Variants in LRMDA observed in about 807,000 individuals in gnomAD.
LRMDA encodes leucine rich melanocyte differentiation associated, also known as leucine-rich melanocyte differentiation-associated protein.
In LRMDA, 18 loss-of-function variants were observed where a neutral mutation model predicts 29.8. The observed-to-expected ratio is 0.60, with a 90% CI of 0.42 to 0.90. The LOEUF is 0.90. Ranked by LOEUF, LRMDA falls within the 40% of genes least tolerant of loss-of-function variation. The pLI is 0.00. For synonymous variants in LRMDA, 125 were observed against 109.4 expected, an observed-to-expected ratio of 1.14 and a Z score of -0.89; for missense variants, 273 against 273.9, an observed-to-expected ratio of 1.00 and a Z score of 0.02.
At chr10:76,463,905 G>C (rs961836595) in intron 6 of LRMDA, among the ~76,000 whole-genome samples, 21 of 127,702 alleles carry the variant, frequency 1.6e-4, no homozygotes, top group Non-Finnish European at 2.4e-4. Flanking sequence ...GCACACAGTA[G>C]GTGCAAAATA....
At chr10:76,460,839 T>A (rs1842505128) in intron 6 of LRMDA, among the ~76,000 whole-genome samples, 1 of 152,158 alleles carries the variant, frequency 6.6e-6, no homozygotes, top group Non-Finnish European at 1.5e-5. Flanking sequence ...TCCTCTTCCC[T>A]CCATAGGGGA....
rs182928564 is a variant in LRMDA, at chr10:76,104,990, C to G, written c.516+46207C>G. On this transcript the variant is annotated intron_variant, in intron 5 of 6. Transcript: ENST00000611255. ...TTCTCTCTGCCTGCAAGTGTCTTCTCTCAGATATCCACTTGGCTAATTACC... is the reference window on the plus strand; with the variant it reads ...TTCTCTCTGCCTGCAAGTGTCTTCTGTCAGATATCCACTTGGCTAATTACC... Among the ~76,000 whole-genome samples, 59 of 152,304 alleles carry G rather than the reference C, an allele frequency of 3.9e-4. No homozygotes were observed. In the East Asian group the frequency reaches 0.01, roughly 27 times the overall value.
At chr10:75,448,873 T>C (rs1844424364) in intron 2 of LRMDA, among the ~76,000 whole-genome samples, 1 of 152,166 alleles carries the variant, frequency 6.6e-6, no homozygotes, top group African/African-American at 2.4e-5. Flanking sequence ...ATGTTTAGGC[T>C]GGGTACAGTG....
Position 75,621,234 on chromosome 10 carries a change from C to CCA in LRMDA, c.131+182750_131+182751dup, listed in dbSNP as rs1554816457. Reference sequence around the variant, plus strand: ...CACACACACACACACACCCACACACCCACACACACACCACATTTTCTTTAT... The same window carrying CCA: ...CACACACACACACACACCCACACACCCACACACACACACCACATTTTCTTTAT... On this transcript the variant is annotated intron_variant, in intron 2 of 6. Coordinates refer to ENST00000611255, the MANE Select transcript of LRMDA (RefSeq NM_001305581.2). 9.7e-5 allele frequency among the ~76,000 whole-genome samples: 14 copies of CCA among 144,458 alleles called. No homozygotes were observed. In the East Asian group the frequency reaches 1.4e-3, roughly 14 times the overall value. 94.8% of individuals were successfully genotyped at this position (144,458 alleles called of 152,430 possible). A position where few individuals can be genotyped will look rare whatever the true frequency, so the allele number is the denominator to read the frequency against.
intron 2 of LRMDA, among the ~76,000 whole-genome samples, chr10:75,719,434 T>C (rs780413360): frequency 1.1e-4 from 17 of 152,276 alleles, no homozygotes; most frequent in Non-Finnish European, 2.1e-4. Flanking sequence ...CAATTTACCA[T>C]GTTTAAATTA....
chr10:76,273,085 G>A (rs1031212286), intron 5 of LRMDA, among the ~76,000 whole-genome samples: 15 of 152,074 alleles, frequency 9.9e-5, no homozygotes, highest in African/African-American at 3.1e-4. Context: ...TACATGGGGT[G>A]AGCATCCTCT....
Position 75,833,463 on chromosome 10 carries a change from T to C in LRMDA, c.132-202545T>C, listed in dbSNP as rs553974173. On this transcript the variant is annotated intron_variant, in intron 2 of 6. Transcript: ENST00000611255. ...CCTCCTTTGATGATCTCTTCTCTTT[T>C]TGCTTAGTTTCCCATTGCTGCTGTA... Among the ~76,000 whole-genome samples, 5 of 152,108 alleles carry C rather than the reference T, an allele frequency of 3.3e-5. No homozygotes were observed. In the South Asian group the frequency reaches 1.0e-3, roughly 32 times the overall value.
intron 2 of LRMDA, among the ~76,000 whole-genome samples, chr10:75,754,021 T>G (rs1842997473): frequency 6.6e-6 from 1 of 152,244 alleles, no homozygotes. Flanking sequence ...AAGGCAAGGT[T>G]CCTTTTGCCC....
At chr10:76,259,679 C>T (rs1839908868) in intron 5 of LRMDA, among the ~76,000 whole-genome samples, 1 of 151,932 alleles carries the variant, frequency 6.6e-6, no homozygotes, top group Non-Finnish European at 1.5e-5. Context: ...TCCCCAACTA[C>T]TATTGTATTG....
intron 2 of LRMDA, among the ~76,000 whole-genome samples, chr10:75,690,787 A>T (rs1039901745): frequency 2.7e-5 from 4 of 150,732 alleles, no homozygotes; most frequent in African/African-American, 9.8e-5. Context: ...TATAGCAAAA[A>T]CCTGTCTCTC....
chr10:75,548,351 C>T (rs1840103299), intron 2 of LRMDA, among the ~76,000 whole-genome samples: 1 of 152,178 alleles, frequency 6.6e-6, no homozygotes, highest in Non-Finnish European at 1.5e-5. Flanking sequence ...CATTAGCTAA[C>T]ATCTTTCTAT....
chr10:76,263,623 T>C (rs1839969899), intron 5 of LRMDA, among the ~76,000 whole-genome samples: 1 of 152,214 alleles, frequency 6.6e-6, no homozygotes, highest in African/African-American at 2.4e-5. Flanking sequence ...GCTTGTTCAT[T>C]CTTGGATCCC....
chr10:76,276,631 A>G (rs1358904062), intron 5 of LRMDA, among the ~76,000 whole-genome samples: 1 of 152,160 alleles, frequency 6.6e-6, no homozygotes. Context: ...CCAACATCTG[A>G]GCCATATATG....
At chr10:75,597,054 CTCTT>C (rs1434238893) in intron 2 of LRMDA, among the ~76,000 whole-genome samples, 2 of 149,126 alleles carry the variant, frequency 1.3e-5, no homozygotes, top group Admixed American at 6.8e-5. Context: ...CTTGCTTTCT[CTCTT>C]TGAGTCCCGT....
At chr10:76,464,406 C>T (rs996982313) in intron 6 of LRMDA, among the ~76,000 whole-genome samples, 2 of 152,134 alleles carry the variant, frequency 1.3e-5, no homozygotes, top group South Asian at 4.1e-4. Flanking sequence ...ACCCAGTCAA[C>T]ATGCCTACAA....
At chr10:76,076,575 C>T (rs961209835) in intron 5 of LRMDA, among the ~76,000 whole-genome samples, 1 of 151,924 alleles carries the variant, frequency 6.6e-6, no homozygotes, top group Non-Finnish European at 1.5e-5. Flanking sequence ...AAATAAAGAG[C>T]ACTAAGATGG....
At position 76,141,586 on chromosome 10, in the gene LRMDA, T is replaced by C. The variant is rs565529174; in HGVS notation, c.516+82803T>C. Among the ~76,000 whole-genome samples the C allele has an allele frequency of 7.9e-5, 12 of 152,228 alleles. No individual in the cohort carries two copies. In the South Asian group the frequency reaches 2.3e-3, roughly 29 times the overall value. ...CTATTAATTTGCTGAGTAAACACTA[T>C]TTTTATAGTTGAAAGATCAGTTCCA... is the stretch of plus-strand genomic sequence containing the variant. On this transcript the variant is annotated intron_variant, in intron 5 of 6. Transcript: ENST00000611255.
At chr10:76,407,849 T>A (rs1292625320) in intron 6 of LRMDA, among the ~76,000 whole-genome samples, 1 of 152,234 alleles carries the variant, frequency 6.6e-6, no homozygotes, top group Admixed American at 6.5e-5. Flanking sequence ...TTGTTTTGAA[T>A]TAAAATATGA....
intron 6 of LRMDA, among the ~76,000 whole-genome samples, chr10:76,422,799 A>G (rs1231675547): frequency 6.6e-6 from 1 of 152,058 alleles, no homozygotes; most frequent in Non-Finnish European, 1.5e-5. Flanking sequence ...TGGGGCATCT[A>G]CCCCTACACA....
Sources: gnomAD v4.1 joint callset for allele counts (sites outside exome capture counted in the v4.1 genomes callset) on GRCh38, gnomAD v4.1.1 for gene constraint, MANE v1.5 for transcripts, NCBI Gene and HGNC (gene_info 2026-07-23, HGNC 2026-07-21) for gene names.